TM7SF3: variants seen among roughly 807,000 people sequenced by gnomAD.
TM7SF3 encodes transmembrane 7 superfamily member 3.
In TM7SF3, 60 loss-of-function variants were observed where a neutral mutation model predicts 65.5. The observed-to-expected ratio is 0.92, with a 90% CI of 0.74 to 1.14. The LOEUF (loss-of-function observed/expected upper bound fraction) is 1.14, where lower values mean the gene tolerates loss of function less well. TM7SF3 is among the 50% of genes most tolerant of loss of function. TM7SF3 has a pLI of 0.00. For synonymous variants in TM7SF3, 264 were observed against 259.6 expected, an observed-to-expected ratio of 1.02 and a Z score of -0.16; for missense variants, 623 against 684.8, an observed-to-expected ratio of 0.91 and a Z score of 1.01.
chr12:27,006,162 C>CA (rs1941027361), intron 1 of TM7SF3, among the ~76,000 whole-genome samples: 1 of 117,416 alleles, frequency 8.5e-6, no homozygotes. Context: ...TTTTTTGAGA[C>CA]AGAGTCTTGC....
chr12:27,002,802 C>CA (rs1940887225), intron 2 of TM7SF3, among the ~76,000 whole-genome samples: 4 of 152,106 alleles, frequency 2.6e-5, no homozygotes. Flanking sequence ...GTTTGCGTGA[C>CA]AGAGTCCAAA....
At position 26,990,595 on chromosome 12, in the gene TM7SF3, ACTTGT is replaced by A. The variant is rs769217902; in HGVS notation, c.718_722del (p.Thr240CysfsTer39). The A allele has an allele frequency of 6.2e-7, 1 of 1,614,014 alleles. No homozygotes were observed. Among genetic ancestry groups the A allele is most frequent in the Non-Finnish European group, 8.5e-7 (1 of 1,179,894 alleles). ...GTCCCGGGAGGGAGGAGAAGGAAACACTTGTCTTATCATTAGCTGTTAGGGTAACC... is the reference window on the plus strand; with the variant it reads ...GTCCCGGGAGGGAGGAGAAGGAAACACTTATCATTAGCTGTTAGGGTAACC... On this transcript the variant is annotated frameshift_variant, in exon 6 of 12. Coordinates refer to ENST00000343028, the MANE Select transcript of TM7SF3 (RefSeq NM_016551.3). LOFTEE classifies it high-confidence loss of function.
At chr12:26,974,306 A>G (rs1939480969) in intron 11 of TM7SF3, 79 bp from the exon 12 acceptor site, 2 of 1,415,360 alleles carry the variant, frequency 1.4e-6, no homozygotes, top group African/African-American at 2.9e-5. Context: ...TTCATGGACT[A>G]AATCTGTATA....
chr12:26,985,652 AATATATAT>A (rs71069288), intron 6 of TM7SF3, among the ~76,000 whole-genome samples: 464 of 39,070 alleles, frequency 0.012, 12 homozygotes, highest in African/African-American at 0.03. Flanking sequence ...AAAAAAAAAA[AATATATAT>A]ATATATATAT....
At chr12:26,995,757 T>A (rs1200426852) in intron 4 of TM7SF3, among the ~76,000 whole-genome samples, 1 of 152,198 alleles carries the variant, frequency 6.6e-6, no homozygotes, top group Non-Finnish European at 1.5e-5. Context: ...CTTTCTGTCA[T>A]GTGTGGACAC....
At chr12:27,013,562 T>C (rs1181442085) in intron 1 of TM7SF3, among the ~76,000 whole-genome samples, 1 of 152,230 alleles carries the variant, frequency 6.6e-6, no homozygotes, top group Non-Finnish European at 1.5e-5. Flanking sequence ...AATTAGATGG[T>C]AAAGGCTCTT....
rs1472557815 is a variant in TM7SF3, at chr12:26,979,846, A to C, written c.1127T>G (p.Met376Arg). ...WWRFGILSIC[M>R]LCVGLVLGFL... ...CCCCAGCACTAGTCCAACACAGAGC[A>C]TGCAGATCGAGAGGATTCCAAATCG... Residue 376 changes from methionine (M) to arginine (R), a missense_variant, in exon 9 of 12, where the codon ATG becomes AGG. By Grantham distance (91) the Met-to-Arg change is moderately conservative. Coordinates refer to ENST00000343028, the MANE Select transcript of TM7SF3 (RefSeq NM_016551.3). The C allele has an allele frequency of 5.0e-6, 8 of 1,614,084 alleles. No homozygotes were observed. The African/African-American group carries it at 6.7e-5, about 13-fold the overall frequency.
chr12:26,996,937 T>G, intron 3 of TM7SF3, 75 bp from the exon 4 acceptor site: 45 of 1,463,376 alleles, frequency 3.1e-5, no homozygotes, highest in Non-Finnish European at 3.7e-5. Context: ...AACAGAACTC[T>G]ATCTACTCTT....
rs190383630 is a variant in TM7SF3 at position 26,995,170 on chromosome 12, T to C, written c.690+67A>G. 1.6e-5 allele frequency: 24 copies of C among 1,478,284 alleles called. No homozygotes were observed. The Admixed American group carries it at 4.9e-4, about 30-fold the overall frequency. The allele number at this position is 1,478,284 out of a possible 1,614,324, so 91.6% of individuals were successfully genotyped here. ...GTAAAGAAATAAGATCCTGGTAGCT[T>C]CTCCCCTTCTCAACTCTGACAAAGG... is the stretch of plus-strand genomic sequence containing the variant. On this transcript the variant is annotated intron_variant, in intron 5 of 11. Transcript: ENST00000343028.
Position 26,973,695 on chromosome 12 carries a change from C to CCTA in TM7SF3, c.*269_*270insTAG. 2.8e-6 allele frequency: 1 copy of CCTA among 362,504 alleles called. No homozygotes were observed. The highest frequency in any genetic ancestry group is 4.9e-6 in the Non-Finnish European group (1 of 202,700). The allele number at this position is 362,504 out of a possible 1,614,324, so 22.5% of individuals were successfully genotyped here. A position where few individuals can be genotyped will look rare whatever the true frequency, so the allele number is the denominator to read the frequency against. On this transcript the variant is annotated 3_prime_UTR_variant, in exon 12 of 12. Coordinates refer to ENST00000343028, the MANE Select transcript of TM7SF3 (RefSeq NM_016551.3). ...TATCTATTTAATGGAATAAGTTGAT[C>CCTA]ATAGATTTGTAAACCAAAAGGTAAT...
chr12:26,996,553 A>T (rs1381976543), intron 4 of TM7SF3, among the ~76,000 whole-genome samples, 189 bp downstream of exon 4: 1 of 152,246 alleles, frequency 6.6e-6, no homozygotes, highest in East Asian at 1.9e-4. Context: ...ACAAGAATGA[A>T]GTGGGAAAAT....
intron 11 of TM7SF3, among the ~76,000 whole-genome samples, chr12:26,974,769 A>C (rs1939500844): frequency 6.6e-6 from 1 of 152,134 alleles, no homozygotes; most frequent in Admixed American, 6.5e-5. Flanking sequence ...AACTTGCAAG[A>C]GTTTTAAGGT....
chr12:27,011,157 C>T (rs1164346243), intron 1 of TM7SF3, among the ~76,000 whole-genome samples: 5 of 152,128 alleles, frequency 3.3e-5, no homozygotes, highest in Non-Finnish European at 2.9e-5. Flanking sequence ...TGAAAGGGAA[C>T]ACAAAAATGA....
rs1403442493 is a variant in TM7SF3, at chr12:27,003,343, T to C, written c.139A>G (p.Arg47Gly). 3.1e-6 allele frequency: 5 copies of C among 1,613,376 alleles called. No individual in the cohort carries two copies. In the East Asian group the frequency reaches 8.9e-5, roughly 29 times the overall value. The change falls in exon 2 of 12, where the codon AGG (arginine) becomes GGG (glycine). Residue 47 changes from arginine (R) to glycine (G), a missense_variant. Physicochemically the swap from Arg to Gly is moderately radical, Grantham distance 125. Coordinates refer to ENST00000343028, the MANE Select transcript of TM7SF3 (RefSeq NM_016551.3). ...VGKFRYFELN[R>G]PFPEEAILHD... ...AAAATAGCTTCCTCTGGAAAGGGCC[T>C]ATTGAGCTCGAAGTATCTAAATTTC...
rs558418434 is a variant in TM7SF3, at chr12:26,971,717, C to T, written c.*2248G>A. ...TTACAGTCTTCACTGGCAGTGCATT[C>T]AGATAGTATAGAAAATAACAAACAT... On this transcript the variant is annotated 3_prime_UTR_variant, in exon 12 of 12. Transcript: ENST00000343028. The T allele has an allele frequency of 1.3e-5, 2 of 152,242 alleles. No individual in the cohort carries two copies. The highest frequency in any genetic ancestry group is 3.9e-4 in the East Asian group (2 of 5,192). 9.4% of individuals were successfully genotyped at this position (152,242 alleles called of 1,614,324 possible).
chr12:27,013,993 G>A (rs1376627083), intron 1 of TM7SF3, 85 bp downstream of exon 1: 2 of 1,179,000 alleles, frequency 1.7e-6, no homozygotes, highest in East Asian at 2.5e-5. Context: ...CTCCCTGCTA[G>A]GCTGACAGAC....
At position 26,973,810 on chromosome 12, in the gene TM7SF3, A is replaced by AG. The variant is rs1939453582; in HGVS notation, c.*154dup. The stretch of plus-strand genomic sequence containing the variant: ...TCTCTTACAATCATCCTAATCCCCT[A>AG]GTACACCCTTACCATATATCAATAA... On this transcript the variant is annotated 3_prime_UTR_variant, in exon 12 of 12. Coordinates refer to ENST00000343028, the MANE Select transcript of TM7SF3 (RefSeq NM_016551.3). 1.1e-6 allele frequency: 1 copy of AG among 943,218 alleles called. No individual in the cohort carries two copies. The highest frequency in any genetic ancestry group is 2.8e-5 in the Admixed American group (1 of 36,146). 58.4% of individuals were successfully genotyped at this position (943,218 alleles called of 1,614,324 possible).
chr12:26,978,024 A>G, intron 9 of TM7SF3: 1 of 436,696 alleles, frequency 2.3e-6, no homozygotes, highest in Admixed American at 2.5e-5. Context: ...TGAGCCTTAG[A>G]GTTTGAGGTT....
Position 26,973,805 on chromosome 12 carries a change from C to A in TM7SF3, c.*160G>T, listed in dbSNP as rs936451569. 2 of 886,396 alleles carry A rather than the reference C, an allele frequency of 2.3e-6. No individual in the cohort carries two copies. Among genetic ancestry groups the A allele is most frequent in the South Asian group, 2.1e-5 (1 of 46,838 alleles). 54.9% of individuals were successfully genotyped at this position (886,396 alleles called of 1,614,324 possible). On this transcript the variant is annotated 3_prime_UTR_variant, in exon 12 of 12. Coordinates refer to ENST00000343028, the MANE Select transcript of TM7SF3 (RefSeq NM_016551.3). ...CTCATTCTCTTACAATCATCCTAAT[C>A]CCCTAGTACACCCTTACCATATATC...
Sources: gnomAD v4.1 joint callset for allele counts (sites outside exome capture counted in the v4.1 genomes callset) on GRCh38, gnomAD v4.1.1 for gene constraint, MANE v1.5 for transcripts, NCBI Gene and HGNC (gene_info 2026-07-23, HGNC 2026-07-21) for gene names.